SLIT3: variants seen among roughly 807,000 people sequenced by gnomAD.
SLIT3 encodes slit guidance ligand 3.
SLIT3 carries 68 observed loss-of-function variants against 184.0 expected under a neutral mutation model. The observed-to-expected ratio is 0.37, with a 90% CI of 0.30 to 0.45. The LOEUF (loss-of-function observed/expected upper bound fraction) is 0.45. Among genes scored for constraint, SLIT3 ranks in the 20% least tolerant of loss-of-function variants. The probability of loss-of-function intolerance (pLI) is 1.00; values close to 1 mark genes in which losing one functional copy is unlikely to be tolerated. For synonymous variants in SLIT3, 831 were observed against 828.6 expected (o/e 1.00, Z -0.05); for missense variants, 1,707 against 2,026.0 (o/e 0.84, Z 3.02).
chr5:168,980,224 T>C (rs1754903119), intron 4 of SLIT3, among the ~76,000 whole-genome samples: 1 of 152,032 alleles, frequency 6.6e-6, no homozygotes, highest in Non-Finnish European at 1.5e-5. Context: ...CCCCACGCCC[T>C]CTCCTCCCTG....
chr5:168,946,320 C>T (rs1762482710), intron 4 of SLIT3, among the ~76,000 whole-genome samples: 1 of 152,192 alleles, frequency 6.6e-6, no homozygotes, highest in South Asian at 2.1e-4. Flanking sequence ...AGAATCAGTC[C>T]TGCTGCAGGA....
At chr5:168,978,766 GGTGAT>G (rs1754850777) in intron 4 of SLIT3, among the ~76,000 whole-genome samples, 1 of 152,134 alleles carries the variant, frequency 6.6e-6, no homozygotes, top group Non-Finnish European at 1.5e-5. Context: ...CCCAGTCCCA[GGTGAT>G]TAGTCTCTGT....
intron 4 of SLIT3, among the ~76,000 whole-genome samples, chr5:169,155,817 G>A (rs1762284897): frequency 6.6e-6 from 1 of 152,206 alleles, no homozygotes; most frequent in African/African-American, 2.4e-5. Flanking sequence ...AGTTGCCTGT[G>A]CACCCTGGTT....
intron 14 of SLIT3, among the ~76,000 whole-genome samples, chr5:168,764,755 C>A (rs1328448816): frequency 1.3e-5 from 2 of 152,176 alleles, no homozygotes; most frequent in African/African-American, 4.8e-5. Flanking sequence ...ATCTCCCCTT[C>A]TACCGCTAGG....
intron 16 of SLIT3, among the ~76,000 whole-genome samples, chr5:168,759,717 G>A (rs552798712): frequency 1.8e-4 from 27 of 152,298 alleles, no homozygotes; most frequent in South Asian, 6.2e-4. Flanking sequence ...GTGCACACCC[G>A]AGAATGACTG....
At chr5:168,811,065 C>G (rs780376445) in intron 8 of SLIT3, among the ~76,000 whole-genome samples, 1 of 152,050 alleles carries the variant, frequency 6.6e-6, no homozygotes, top group African/African-American at 2.4e-5. Context: ...AAGGTGAAAG[C>G]GAAAGGTCCT....
At chr5:168,907,691 G>C (rs115524289) in intron 4 of SLIT3, among the ~76,000 whole-genome samples, 2 of 151,936 alleles carry the variant, frequency 1.3e-5, no homozygotes, top group African/African-American at 4.8e-5. Flanking sequence ...AGGAAGCGTA[G>C]AAGCAATTAC....
intron 3 of SLIT3, among the ~76,000 whole-genome samples, chr5:169,236,349 G>A (rs181846288): frequency 1.4e-4 from 22 of 152,168 alleles, no homozygotes; most frequent in East Asian, 3.9e-4. Flanking sequence ...TTTCCAAGAC[G>A]CTTTAATTCC....
At chr5:169,288,118 C>T (rs1371611974) in intron 1 of SLIT3, among the ~76,000 whole-genome samples, 1 of 152,096 alleles carries the variant, frequency 6.6e-6, no homozygotes, top group Non-Finnish European at 1.5e-5. Flanking sequence ...CCCTTGCAGC[C>T]GAGGAGGGGA....
At chr5:169,299,551 C>T (rs1767615661) in intron 1 of SLIT3, among the ~76,000 whole-genome samples, 1 of 152,140 alleles carries the variant, frequency 6.6e-6, no homozygotes, top group South Asian at 2.1e-4. Context: ...AGTAAGGCTT[C>T]CCACCCACTC....
chr5:169,062,170 C>T (rs915491864), intron 4 of SLIT3, among the ~76,000 whole-genome samples: 12 of 151,884 alleles, frequency 7.9e-5, no homozygotes, highest in South Asian at 4.2e-4. Context: ...GGCGACAGAG[C>T]GAGACTCTGT....
At chr5:168,908,956 C>A (rs1761167872) in intron 4 of SLIT3, among the ~76,000 whole-genome samples, 1 of 152,194 alleles carries the variant, frequency 6.6e-6, no homozygotes, top group African/African-American at 2.4e-5. Context: ...GCCTACCTAT[C>A]CCCTACTTGG....
chr5:168,688,860 CA>C (rs1298785347), intron 29 of SLIT3, among the ~76,000 whole-genome samples: 3 of 152,150 alleles, frequency 2.0e-5, no homozygotes, highest in Admixed American at 6.5e-5. Flanking sequence ...AGTTGCAGAA[CA>C]ACTTAAGCTA....
chr5:168,756,094 G>A (rs1754940102), intron 16 of SLIT3, among the ~76,000 whole-genome samples: 1 of 152,242 alleles, frequency 6.6e-6, no homozygotes, highest in Non-Finnish European at 1.5e-5. Flanking sequence ...TGGAGCCCGT[G>A]AACTCACAGA....
chr5:169,136,798 C>T (rs533429289), intron 4 of SLIT3, among the ~76,000 whole-genome samples: 14 of 152,114 alleles, frequency 9.2e-5, no homozygotes, highest in Admixed American at 2.6e-4. Flanking sequence ...ACCATTATAA[C>T]GCAAGGAGCA....
chr5:168,997,527 C>A (rs1171782455), intron 4 of SLIT3, among the ~76,000 whole-genome samples: 1 of 152,086 alleles, frequency 6.6e-6, no homozygotes, highest in Non-Finnish European at 1.5e-5. Flanking sequence ...TTGGGAGAGG[C>A]AAAAGACCCC....
intron 4 of SLIT3, among the ~76,000 whole-genome samples, chr5:168,937,679 G>A (rs1376672383): frequency 6.6e-6 from 1 of 152,070 alleles, no homozygotes; most frequent in Non-Finnish European, 1.5e-5. Flanking sequence ...CCTGGGTGAG[G>A]ATCCCAGGTC....
chr5:169,260,104 C>T (rs1766111549), intron 1 of SLIT3, among the ~76,000 whole-genome samples: 1 of 152,068 alleles, frequency 6.6e-6, no homozygotes, highest in African/African-American at 2.4e-5. Flanking sequence ...TACTCTTTCC[C>T]CTCCTTCTCA....
At chr5:168,995,530 T>C (rs1220921510) in intron 4 of SLIT3, 1 of 152,220 alleles carries the variant, frequency 6.6e-6, no homozygotes, top group Non-Finnish European at 1.5e-5. Flanking sequence ...CTTTTAATTG[T>C]GTTCGTTGGT....
Sources: allele counts gnomAD v4.1 joint callset (sites outside exome capture counted in the v4.1 genomes callset), GRCh38; gene constraint gnomAD v4.1.1; transcripts MANE v1.5; gene names NCBI Gene and HGNC (gene_info 2026-07-23, HGNC 2026-07-21).